The following SLC9C1 variants were observed in gnomAD, a reference collection of about 807,000 sequenced individuals.
SLC9C1 encodes sodium/hydrogen exchanger 10.
Under a neutral mutation model 140.9 loss-of-function variants are expected in SLC9C1, and 97 were observed. That is an observed-to-expected ratio of 0.69 (90% CI 0.58 to 0.82). SLC9C1 has a LOEUF of 0.82. Ranked by LOEUF, SLC9C1 falls within the 40% of genes least tolerant of loss-of-function variation. The pLI, the probability that SLC9C1 is intolerant of heterozygous loss-of-function variation, is 0.00. For synonymous variants in SLC9C1, 440 were observed against 442.6 expected, an observed-to-expected ratio of 0.99 and a Z score of 0.07; for missense variants, 1,340 against 1,389.3, an observed-to-expected ratio of 0.96 and a Z score of 0.56.
chr3:112,185,068 A>G (rs980161580), intron 20 of SLC9C1, among the ~76,000 whole-genome samples: 29 of 152,166 alleles, frequency 1.9e-4, no homozygotes, highest in African/African-American at 5.8e-4. Context: ...GCCTCCAGCA[A>G]TAGTGGGACA....
chr3:112,191,715 G>T (rs2077664845), intron 20 of SLC9C1, among the ~76,000 whole-genome samples: 1 of 152,076 alleles, frequency 6.6e-6, no homozygotes, highest in African/African-American at 2.4e-5. Flanking sequence ...GGGCTTGGAA[G>T]TATTCCTTCT....
chr3:112,193,807 G>T lies in SLC9C1; in HGVS notation c.2523+5514C>A, dbSNP rs139895217. 8.9e-4 allele frequency among the ~76,000 whole-genome samples: 135 copies of T among 152,154 alleles called. 2 individuals are homozygous for T. In the East Asian group the frequency reaches 0.02, roughly 22 times the overall value. On this transcript the variant is annotated intron_variant, in intron 20 of 28. Transcript: ENST00000305815. Reference sequence around the variant, plus strand: ...CAGTGGTTAGGCCATTTCAACAGAGGTTTTGTCCTGAATGGGGCTGCAAGA... The same window carrying T: ...CAGTGGTTAGGCCATTTCAACAGAGTTTTTGTCCTGAATGGGGCTGCAAGA...
intron 5 of SLC9C1, among the ~76,000 whole-genome samples, 185 bp from the exon 6 acceptor site, chr3:112,275,210 G>C (rs2080182710): frequency 6.6e-6 from 1 of 152,112 alleles, no homozygotes; most frequent in Admixed American, 6.6e-5. Flanking sequence ...ATGTAAGTGA[G>C]ATAATCAAAG....
intron 21 of SLC9C1, 55 bp downstream of exon 21, chr3:112,182,078 A>C (rs2077449325): frequency 8.3e-7 from 1 of 1,206,958 alleles, no homozygotes; most frequent in East Asian, 2.9e-5. Context: ...TTCTTATTTT[A>C]AAGATTATTT....
chr3:112,234,401 C>CA (rs536015606), intron 12 of SLC9C1, among the ~76,000 whole-genome samples: 2,925 of 152,150 alleles, frequency 0.019, 94 homozygotes, highest in East Asian at 0.11. Flanking sequence ...GCGTAGATTG[C>CA]AAAAATTTTC....
intron 6 of SLC9C1, among the ~76,000 whole-genome samples, chr3:112,272,685 T>C (rs1201400741): frequency 6.6e-6 from 1 of 152,214 alleles, no homozygotes; most frequent in Non-Finnish European, 1.5e-5. Flanking sequence ...GTCATTACTA[T>C]TATTATTTTA....
rs183483538 is a variant in SLC9C1 at position 112,165,108 on chromosome 3, G to A, written c.3364+2113C>T. 2.9e-3 allele frequency among the ~76,000 whole-genome samples: 436 copies of A among 152,294 alleles called. 5 individuals are homozygous for A. Among genetic ancestry groups the A allele is most frequent in the African/African-American group, 0.01 (427 of 41,556 alleles). On this transcript the variant is annotated intron_variant, in intron 26 of 28. Transcript: ENST00000305815. ...GTTCATCACGTAGTTCTTGTGCCAT[G>A]GTTTTCAGCTCCCTCAGGTCCTTTA... is the stretch of plus-strand genomic sequence containing the variant.
In SLC9C1 at chr3:112,213,760, G is replaced by A. The variant is rs142526426; in HGVS notation, c.1790+3682C>T. 9.0e-3 allele frequency among the ~76,000 whole-genome samples: 1,363 copies of A among 152,204 alleles called. 19 individuals are homozygous for A. The highest frequency in any genetic ancestry group is 0.031 in the African/African-American group (1,288 of 41,532). On this transcript the variant is annotated intron_variant, in intron 15 of 28. Coordinates refer to ENST00000305815, the MANE Select transcript of SLC9C1 (RefSeq NM_183061.3). ...TAAGACTCCCACACAATAATAATGG[G>A]AGACTTTAACACCCCACTGTCAACA...
At chr3:112,279,047 G>T (rs78568095) in intron 3 of SLC9C1, 190 bp from the exon 4 acceptor site, 10,240 of 471,006 alleles carry the variant, frequency 0.022, 162 homozygotes, top group Middle Eastern at 0.028. Context: ...GAAGATATGT[G>T]TGGAAGAATA....
chr3:112,168,873 T>G lies in SLC9C1; in HGVS notation c.3237+4A>C, dbSNP rs1185968613. 6.3e-7 allele frequency: 1 copy of G among 1,575,022 alleles called. No individual in the cohort carries two copies. The highest frequency in any genetic ancestry group is 8.6e-7 in the Non-Finnish European group (1 of 1,165,952). On this transcript the variant is annotated splice_donor_region_variant and intron_variant, in intron 25 of 28. Coordinates refer to ENST00000305815, the MANE Select transcript of SLC9C1 (RefSeq NM_183061.3). ...TCTGAAGACAGGAATCAATATTTCT[T>G]TACCTGATGGCATGTTATAGGAATT...
intron 26 of SLC9C1, among the ~76,000 whole-genome samples, chr3:112,163,732 A>G (rs1020987473): frequency 6.6e-6 from 1 of 152,050 alleles, no homozygotes; most frequent in Non-Finnish European, 1.5e-5. Context: ...GTGGTGCTGA[A>G]AAAAATGTAT....
At chr3:112,267,575 C>CAAAAAAAAAAAAAAAA (rs71933510) in intron 7 of SLC9C1, among the ~76,000 whole-genome samples, 1 of 56,852 alleles carries the variant, frequency 1.8e-5, no homozygotes, top group African/African-American at 7.0e-5. Flanking sequence ...GACTCCGTCT[C>CAAAAAAAAAAAAAAAA]AAAAAAAAAA....
intron 15 of SLC9C1, among the ~76,000 whole-genome samples, chr3:112,213,919 C>T (rs1010749360): frequency 5.3e-5 from 8 of 152,184 alleles, no homozygotes; most frequent in African/African-American, 1.9e-4. Context: ...TTATTAGCAC[C>T]ACATCACACT....
At chr3:112,227,545 T>C (rs546524001) in intron 13 of SLC9C1, among the ~76,000 whole-genome samples, 13 of 152,230 alleles carry the variant, frequency 8.5e-5, no homozygotes, top group African/African-American at 2.9e-4. Flanking sequence ...TGTTTCATGA[T>C]AAAAACTCCC....
At chr3:112,189,327 T>A (rs2077602992) in intron 20 of SLC9C1, among the ~76,000 whole-genome samples, 1 of 152,250 alleles carries the variant, frequency 6.6e-6, no homozygotes, top group African/African-American at 2.4e-5. Flanking sequence ...TTAATGGTAT[T>A]GCCTAGGTTT....
intron 10 of SLC9C1, among the ~76,000 whole-genome samples, chr3:112,255,944 A>G (rs559122351): frequency 1.3e-5 from 2 of 152,304 alleles, no homozygotes; most frequent in East Asian, 1.9e-4. Context: ...AGAGACTACT[A>G]TGAACACCCC....
chr3:112,216,487 A>G (rs1462962502), intron 15 of SLC9C1, among the ~76,000 whole-genome samples: 1 of 151,486 alleles, frequency 6.6e-6, no homozygotes, highest in African/African-American at 2.4e-5. Context: ...CAGAATCTAT[A>G]AAGAACTCAA....
chr3:112,175,111 G>A (rs2077311734), intron 23 of SLC9C1, among the ~76,000 whole-genome samples: 1 of 152,098 alleles, frequency 6.6e-6, no homozygotes, highest in African/African-American at 2.4e-5. Flanking sequence ...CCCTGACAAA[G>A]GGTGGCTGGA....
chr3:112,291,550 T>G (rs973322358), intron 1 of SLC9C1, among the ~76,000 whole-genome samples: 4 of 151,252 alleles, frequency 2.6e-5, no homozygotes, highest in Admixed American at 1.3e-4. Flanking sequence ...GAAATGCAAA[T>G]CAAAACCACA....
Sources: allele counts gnomAD v4.1 joint callset (sites outside exome capture counted in the v4.1 genomes callset), GRCh38; gene constraint gnomAD v4.1.1; transcripts MANE v1.5; gene names NCBI Gene and HGNC (gene_info 2026-07-23, HGNC 2026-07-21).